Variants in NRXN1 observed in about 807,000 individuals in gnomAD.
The protein encoded by NRXN1 is neurexin-1.
In NRXN1, 39 loss-of-function variants were observed where a neutral mutation model predicts 150.9. That is an observed-to-expected ratio of 0.26 (90% confidence interval 0.20 to 0.34). The LOEUF (loss-of-function observed/expected upper bound fraction) is 0.34, where lower values mean the gene tolerates loss of function less well. Ranked by LOEUF, NRXN1 falls within the 10% of genes least tolerant of loss-of-function variation. The pLI is 1.00. For synonymous variants in NRXN1, 924 were observed against 757.0 expected, an observed-to-expected ratio of 1.22 and a Z score of -3.62; for missense variants, 1,815 against 1,949.9, an observed-to-expected ratio of 0.93 and a Z score of 1.30.
At chr2:50,898,713 T>G (rs1004706606) in intron 5 of NRXN1, 2 of 340,808 alleles carry the variant, frequency 5.9e-6, no homozygotes, top group African/African-American at 4.4e-5. Context: ...AGCACATTTA[T>G]AATTTATTCT....
intron 2 of NRXN1, among the ~76,000 whole-genome samples, chr2:50,984,757 GAAGA>G (rs1166945583): frequency 2.6e-5 from 4 of 152,076 alleles, no homozygotes; most frequent in Non-Finnish European, 4.4e-5. Context: ...ATGTAGTTAT[GAAGA>G]AAGAGGCTTC....
chr2:50,559,822 AAAAAATTAGAAATTTGAAAATTTC>A (rs1337772012), intron 8 of NRXN1, among the ~76,000 whole-genome samples: 8 of 152,196 alleles, frequency 5.3e-5, no homozygotes, highest in African/African-American at 7.2e-5. Flanking sequence ...TGATAATTTC[AAAAAATTAGAAATTTGAAAATTTC>A]AAAAATTAGA....
intron 2 of NRXN1, among the ~76,000 whole-genome samples, chr2:50,969,379 C>G (rs1307580377): frequency 6.6e-6 from 1 of 152,072 alleles, no homozygotes; most frequent in Non-Finnish European, 1.5e-5. Context: ...CTTTGTATCT[C>G]AAATGTCATT....
At chr2:50,443,051 A>G (rs1335572372) in intron 17 of NRXN1, among the ~76,000 whole-genome samples, 1 of 152,160 alleles carries the variant, frequency 6.6e-6, no homozygotes, top group Non-Finnish European at 1.5e-5. Context: ...ACTAATTGAC[A>G]TTAGGTTTTA....
intron 17 of NRXN1, among the ~76,000 whole-genome samples, chr2:50,328,278 C>T (rs1378963142): frequency 6.6e-6 from 1 of 152,064 alleles, no homozygotes; most frequent in East Asian, 1.9e-4. Flanking sequence ...TGGCCCAAGA[C>T]AATTCTTCTT....
chr2:51,025,168 C>T (rs1422823963), intron 2 of NRXN1, among the ~76,000 whole-genome samples: 3 of 152,132 alleles, frequency 2.0e-5, no homozygotes, highest in Admixed American at 6.5e-5. Flanking sequence ...TTCTACGTTT[C>T]GTGGTGATCT....
In NRXN1 at chr2:50,970,011, T is replaced by C. The variant is rs562202911; in HGVS notation, c.773-44056A>G. Among the ~76,000 whole-genome samples, 246 of 152,280 alleles carry C rather than the reference T, an allele frequency of 1.6e-3. 1 individual carries two copies. The highest frequency in any genetic ancestry group is 5.7e-3 in the African/African-American group (238 of 41,576). ...CCCAGGAAGGTCTATCTGTCTAGAC[T>C]CTTCCTGGCCTCTTTAAGCCTGCAT... is the stretch of plus-strand genomic sequence containing the variant. On this transcript the variant is annotated intron_variant, in intron 2 of 22. Coordinates refer to ENST00000401669, the MANE Select transcript of NRXN1 (RefSeq NM_001330078.2).
At chr2:50,682,065 G>T (rs1019141955) in intron 5 of NRXN1, among the ~76,000 whole-genome samples, 2 of 152,148 alleles carry the variant, frequency 1.3e-5, no homozygotes, top group East Asian at 3.8e-4. Flanking sequence ...ATAAATGGCA[G>T]CTGTTGGCCA....
chr2:50,977,801 A>T (rs1325204057), intron 2 of NRXN1, among the ~76,000 whole-genome samples: 1 of 151,844 alleles, frequency 6.6e-6, no homozygotes, highest in Non-Finnish European at 1.5e-5. Flanking sequence ...TCTTAAAAAA[A>T]GTCATATCAT....
intron 18 of NRXN1, among the ~76,000 whole-genome samples, chr2:50,176,010 C>G (rs1327361018): frequency 6.6e-6 from 1 of 152,080 alleles, no homozygotes; most frequent in Admixed American, 6.6e-5. Context: ...GAATCCCTAG[C>G]CCCCTAAGCA....
At chr2:50,262,610 T>A (rs745435699) in intron 17 of NRXN1, among the ~76,000 whole-genome samples, 1 of 152,018 alleles carries the variant, frequency 6.6e-6, no homozygotes, top group African/African-American at 2.4e-5. Context: ...GAAATTCTTA[T>A]GAGCCTTAGT....
intron 19 of NRXN1, among the ~76,000 whole-genome samples, chr2:50,066,964 G>T (rs940231899): frequency 6.6e-6 from 1 of 152,124 alleles, no homozygotes; most frequent in East Asian, 1.9e-4. Flanking sequence ...ACAGGAAGAG[G>T]GGGTGGTGCA....
chr2:50,541,534 G>A (rs2105280139), intron 9 of NRXN1, among the ~76,000 whole-genome samples: 1 of 152,274 alleles, frequency 6.6e-6, no homozygotes, highest in South Asian at 2.1e-4. Flanking sequence ...TTTGAGCAAA[G>A]TATTGTAAGA....
chr2:50,873,635 T>C (rs1259588817), intron 5 of NRXN1, among the ~76,000 whole-genome samples: 1 of 151,816 alleles, frequency 6.6e-6, no homozygotes, highest in African/African-American at 2.4e-5. Context: ...AAATTGACTT[T>C]TTAGAATATT....
At chr2:50,768,915 AACACAC>A (rs573497722) in intron 5 of NRXN1, among the ~76,000 whole-genome samples, 1 of 149,126 alleles carries the variant, frequency 6.7e-6, no homozygotes, top group Non-Finnish European at 1.5e-5. Flanking sequence ...CAACAACAAC[AACACAC>A]ACACACACAC....
chr2:50,007,492 G>A (rs9941503), intron 21 of NRXN1, among the ~76,000 whole-genome samples: 54,377 of 151,762 alleles, frequency 0.36, 10,396 homozygotes, highest in South Asian at 0.44. Flanking sequence ...TTTGGTTTTC[G>A]GTTCCTGTGT....
At chr2:50,024,861 C>A (rs569847418) in intron 21 of NRXN1, among the ~76,000 whole-genome samples, 12 of 152,172 alleles carry the variant, frequency 7.9e-5, no homozygotes, top group Admixed American at 2.0e-4. Flanking sequence ...CATGATCTGC[C>A]CACCTCAGCC....
chr2:50,591,081 A>C (rs1674111168), intron 8 of NRXN1, among the ~76,000 whole-genome samples: 1 of 152,190 alleles, frequency 6.6e-6, no homozygotes, highest in African/African-American at 2.4e-5. Flanking sequence ...AAGAAAAAAG[A>C]AAGTGCCCAC....
intron 5 of NRXN1, among the ~76,000 whole-genome samples, chr2:50,717,903 T>C (rs746971131): frequency 6.6e-6 from 1 of 152,188 alleles, no homozygotes; most frequent in Non-Finnish European, 1.5e-5. Context: ...TTCACTCTCA[T>C]GATCGAATCA....
Sources: gnomAD v4.1 joint callset for allele counts (sites outside exome capture counted in the v4.1 genomes callset) on GRCh38, gnomAD v4.1.1 for gene constraint, MANE v1.5 for transcripts, NCBI Gene and HGNC (gene_info 2026-07-23, HGNC 2026-07-21) for gene names.